Variants in ERBB4 observed in about 807,000 individuals in gnomAD.
ERBB4 encodes the protein erb-b2 receptor tyrosine kinase 4, also known as receptor tyrosine-protein kinase erbB-4.
In ERBB4, 42 loss-of-function variants were observed where a neutral mutation model predicts 158.0. That is an observed-to-expected ratio of 0.27 (90% CI 0.21 to 0.34). The LOEUF is 0.34. Among genes scored for constraint, ERBB4 ranks in the 10% least tolerant of loss-of-function variants. The pLI, the probability that ERBB4 is intolerant of heterozygous loss-of-function variation, is 1.00. For missense variants in ERBB4, 1,333 were observed against 1,624.1 expected, an observed-to-expected ratio of 0.82 and a Z score of 3.08; for synonymous variants, 583 against 558.7, an observed-to-expected ratio of 1.04 and a Z score of -0.61.
intron 3 of ERBB4, among the ~76,000 whole-genome samples, chr2:211,938,341 G>A (rs2080386115): frequency 6.6e-6 from 1 of 152,120 alleles, no homozygotes; most frequent in South Asian, 2.1e-4. Context: ...GACTCAGGGA[G>A]CCCAGATTCT....
intron 2 of ERBB4, among the ~76,000 whole-genome samples, chr2:211,957,095 G>T (rs1464832807): frequency 2.6e-5 from 4 of 152,006 alleles, no homozygotes; most frequent in African/African-American, 9.7e-5. Flanking sequence ...CTCCCAAAGT[G>T]CTAGGATGAC....
At chr2:212,171,852 G>A (rs2081530048) in intron 1 of ERBB4, among the ~76,000 whole-genome samples, 1 of 152,022 alleles carries the variant, frequency 6.6e-6, no homozygotes, top group Non-Finnish European at 1.5e-5. Context: ...TTATAGCACT[G>A]TGAAAACAGA....
In ERBB4 at chr2:212,177,308, C is replaced by T. The variant is rs544264327; in HGVS notation, c.83-52405G>A. Among the ~76,000 whole-genome samples, 361 of 151,762 alleles carry T rather than the reference C, an allele frequency of 2.4e-3. 9 individuals carry two copies. The highest frequency in any genetic ancestry group is 6.0e-3 in the African/African-American group (249 of 41,440). ...ATATTTTTTTCCAACAATTTCTTAG[C>T]GGTTGTGCCTATTACACTGTAAACC... On this transcript the variant is annotated intron_variant, in intron 1 of 27. Coordinates refer to ENST00000342788, the MANE Select transcript of ERBB4 (RefSeq NM_005235.3).
chr2:211,678,638 C>T (rs980785943), intron 13 of ERBB4, among the ~76,000 whole-genome samples: 1 of 152,066 alleles, frequency 6.6e-6, no homozygotes, highest in Non-Finnish European at 1.5e-5. Flanking sequence ...CTTAAAAATC[C>T]TGGCCTGCAT....
At chr2:211,847,463 G>A (rs748650205) in intron 3 of ERBB4, among the ~76,000 whole-genome samples, 10 of 152,060 alleles carry the variant, frequency 6.6e-5, no homozygotes, top group African/African-American at 1.9e-4. Flanking sequence ...GGTTTCAAAT[G>A]GCCCAATGCA....
intron 1 of ERBB4, among the ~76,000 whole-genome samples, chr2:212,435,062 G>T (rs533270666): frequency 6.6e-6 from 1 of 151,880 alleles, no homozygotes; most frequent in South Asian, 2.1e-4. Flanking sequence ...ATTTCTTACA[G>T]GAAAGAAACA....
intron 3 of ERBB4, among the ~76,000 whole-genome samples, chr2:211,861,260 G>A (rs1254760772): frequency 7.2e-6 from 1 of 138,232 alleles, no homozygotes; most frequent in African/African-American, 2.7e-5. Context: ...CACCTTCTGG[G>A]CTCAAGCACT....
At chr2:212,279,155 G>A (rs1366030519) in intron 1 of ERBB4, among the ~76,000 whole-genome samples, 1 of 151,488 alleles carries the variant, frequency 6.6e-6, no homozygotes, top group African/African-American at 2.4e-5. Flanking sequence ...ATAGAAGAGA[G>A]TAGAATTAAT....
intron 1 of ERBB4, among the ~76,000 whole-genome samples, chr2:212,358,750 T>C (rs1040125022): frequency 2.6e-5 from 4 of 151,672 alleles, no homozygotes; most frequent in African/African-American, 7.3e-5. Context: ...TCATTCAGAG[T>C]GAATTAAAGA....
intron 1 of ERBB4, among the ~76,000 whole-genome samples, chr2:212,180,179 C>G (rs2081812294): frequency 6.6e-6 from 1 of 151,636 alleles, no homozygotes; most frequent in Admixed American, 6.6e-5. Flanking sequence ...TATAATGGAC[C>G]AATAATTGAA....
At chr2:211,879,992 TAA>T (rs1429083453) in intron 3 of ERBB4, among the ~76,000 whole-genome samples, 5 of 150,198 alleles carry the variant, frequency 3.3e-5, no homozygotes, top group African/African-American at 1.2e-4. Context: ...TTAACAAAAA[TAA>T]ATATATAAAT....
At chr2:212,487,279 A>G (rs1359228154) in intron 1 of ERBB4, among the ~76,000 whole-genome samples, 1 of 151,310 alleles carries the variant, frequency 6.6e-6, no homozygotes, top group Non-Finnish European at 1.5e-5. Flanking sequence ...ATATATTGTA[A>G]TATTTTATAT....
chr2:212,391,620 T>C (rs1322094028), intron 1 of ERBB4, among the ~76,000 whole-genome samples: 1 of 143,838 alleles, frequency 7.0e-6, no homozygotes, highest in Admixed American at 7.2e-5. Flanking sequence ...ATATTATATG[T>C]CAATATATTA....
At chr2:211,602,236 C>T (rs1026410411) in intron 19 of ERBB4, among the ~76,000 whole-genome samples, 21 of 152,100 alleles carry the variant, frequency 1.4e-4, no homozygotes, top group African/African-American at 5.1e-4. Flanking sequence ...TGATAACCTT[C>T]CCATAGTTCT....
intron 4 of ERBB4, among the ~76,000 whole-genome samples, chr2:211,787,290 C>G (rs184506138): frequency 1.1e-3 from 170 of 152,186 alleles, no homozygotes; most frequent in Middle Eastern, 6.8e-3. Context: ...GATCACATAG[C>G]CTGCTTTATG....
chr2:211,803,452 C>T (rs528142088), intron 3 of ERBB4, among the ~76,000 whole-genome samples: 1 of 152,190 alleles, frequency 6.6e-6, no homozygotes, highest in Admixed American at 6.5e-5. Flanking sequence ...TAAACATCTC[C>T]TGGTATTTGG....
chr2:212,289,532 T>C (rs76000529), intron 1 of ERBB4, among the ~76,000 whole-genome samples: 2,663 of 152,284 alleles, frequency 0.017, 85 homozygotes, highest in African/African-American at 0.061. Flanking sequence ...TTTTATTTAC[T>C]GTGTTTCTTT....
At position 212,266,060 on chromosome 2, in the gene ERBB4, T is replaced by A. The variant is rs77154587; in HGVS notation, c.83-141157A>T. On this transcript the variant is annotated intron_variant, in intron 1 of 27. Transcript: ENST00000342788. ...CTTTAAGAGAACCCTTCAAAAATAATCATATCACAGTTTGAGTGACTAGAG... is the reference window on the plus strand; with the variant it reads ...CTTTAAGAGAACCCTTCAAAAATAAACATATCACAGTTTGAGTGACTAGAG... Among the ~76,000 whole-genome samples, 742 of 152,030 alleles carry A rather than the reference T, an allele frequency of 4.9e-3. 8 individuals carry two copies. The highest frequency in any genetic ancestry group is 0.016 in the African/African-American group (646 of 41,498).
At chr2:211,777,502 C>T (rs62183033) in intron 4 of ERBB4, 54,176 of 152,012 alleles carry the variant, frequency 0.36, 10,058 homozygotes, top group South Asian at 0.57. Flanking sequence ...CATCACAACC[C>T]TGTCACTATC....
Sources: gnomAD v4.1 joint callset for allele counts (sites outside exome capture counted in the v4.1 genomes callset) on GRCh38, gnomAD v4.1.1 for gene constraint, MANE v1.5 for transcripts, NCBI Gene and HGNC (gene_info 2026-07-23, HGNC 2026-07-21) for gene names.